Variants in DOCK7 observed in about 807,000 individuals in gnomAD.
DOCK7 encodes the protein dedicator of cytokinesis protein 7.
In DOCK7, 138 loss-of-function variants were observed where a neutral mutation model predicts 271.0. The ratio of observed to expected loss-of-function variants is 0.51; its 90% CI spans 0.44 to 0.59. The LOEUF is 0.59. Among genes scored for constraint, DOCK7 ranks in the 20% least tolerant of loss-of-function variants. The pLI is 0.00. For synonymous variants in DOCK7, 823 were observed against 876.1 expected, an observed-to-expected ratio of 0.94 and a Z score of 1.07; for missense variants, 2,066 against 2,592.4, an observed-to-expected ratio of 0.80 and a Z score of 4.41.
chr1:62,647,139 G>C (rs1387689541), intron 7 of DOCK7, among the ~76,000 whole-genome samples: 35 of 152,060 alleles, frequency 2.3e-4, no homozygotes, highest in Admixed American at 2.3e-3. Flanking sequence ...TTTTTCTTAA[G>C]TCAGAACAAA....
At chr1:62,683,614 G>T (rs1017448703) in intron 1 of DOCK7, among the ~76,000 whole-genome samples, 6 of 152,212 alleles carry the variant, frequency 3.9e-5, no homozygotes, top group African/African-American at 1.4e-4. Context: ...AACTACCACA[G>T]AAAATATTCT....
In DOCK7 at chr1:62,574,977, C is replaced by T. The variant is rs2366492; in HGVS notation, c.2112+2285G>A. Among the ~76,000 whole-genome samples, 151 of 152,206 alleles carry T rather than the reference C, an allele frequency of 9.9e-4. 5 individuals are homozygous for T. The East Asian group carries it at 0.025, about 26-fold the overall frequency. On this transcript the variant is annotated intron_variant, in intron 18 of 49. Coordinates refer to ENST00000635253, the MANE Select transcript of DOCK7 (RefSeq NM_001367561.1). Reference sequence around the variant, plus strand: ...AACTGCTGACCTCAGGTGATCTGCCCACCTCGGCCTCCCAAAGTGCTGGGA... The same window carrying T: ...AACTGCTGACCTCAGGTGATCTGCCTACCTCGGCCTCCCAAAGTGCTGGGA...
chr1:62,487,659 G>A (rs373834171), intron 42 of DOCK7: 2 of 403,116 alleles, frequency 5.0e-6, no homozygotes, highest in South Asian at 4.0e-5. Context: ...AAGAGAGCCA[G>A]CAGCTTGTTC....
In DOCK7 at chr1:62,606,846, C is replaced by T. The variant is rs1396618704; in HGVS notation, c.1682+11860G>A. ...ATTCATCCCAAGTCTCTTTCCAGTT[C>T]CCCTTCTTACATTGCCTATTTGCCA... On this transcript the variant is annotated intron_variant, in intron 14 of 49. Transcript: ENST00000635253. Among the ~76,000 whole-genome samples, 3 of 152,090 alleles carry T rather than the reference C, an allele frequency of 2.0e-5. No homozygotes were observed. The East Asian group carries it at 5.8e-4, about 29-fold the overall frequency.
At chr1:62,457,843 A>T (rs747712945) in intron 48 of DOCK7, 138 bp from the exon 49 acceptor site, 5 of 717,026 alleles carry the variant, frequency 7.0e-6, no homozygotes, top group African/African-American at 5.3e-5. Context: ...GGGCCTAATC[A>T]CACACACATA....
chr1:62,617,737 T>A (rs937636706), intron 14 of DOCK7, among the ~76,000 whole-genome samples: 7 of 152,170 alleles, frequency 4.6e-5, no homozygotes, highest in South Asian at 2.1e-4. Context: ...TTCTTTTTTT[T>A]AATGTAGCAA....
chr1:62,587,875 G>A (rs1165168378), intron 14 of DOCK7, among the ~76,000 whole-genome samples: 2 of 152,086 alleles, frequency 1.3e-5, no homozygotes, highest in Non-Finnish European at 2.9e-5. Flanking sequence ...AATAATGATG[G>A]CTGGGCTTGA....
rs765109810 is a variant in DOCK7 at position 62,613,439 on chromosome 1, C to T, written c.1682+5267G>A. ...GTGGGAGGTAGGGAGGCGCGGGGAA[C>T]GACAGAGTTTGTTATTTAAAGGTGA... On this transcript the variant is annotated intron_variant, in intron 14 of 49. Coordinates refer to ENST00000635253, the MANE Select transcript of DOCK7 (RefSeq NM_001367561.1). 5.3e-5 allele frequency among the ~76,000 whole-genome samples: 8 copies of T among 151,978 alleles called. No individual in the cohort carries two copies. In the East Asian group the frequency reaches 7.7e-4, roughly 15 times the overall value.
chr1:62,570,575 CA>C (rs1646738164), intron 18 of DOCK7, among the ~76,000 whole-genome samples: 1 of 151,902 alleles, frequency 6.6e-6, no homozygotes, highest in South Asian at 2.1e-4. Flanking sequence ...CACATGGAAC[CA>C]AAAAAAGGCC....
intron 1 of DOCK7, among the ~76,000 whole-genome samples, chr1:62,684,926 A>T (rs535689349): frequency 1.3e-5 from 2 of 152,358 alleles, no homozygotes; most frequent in Non-Finnish European, 2.9e-5. Flanking sequence ...CAGAAACAAG[A>T]TCATTATAAT....
intron 12 of DOCK7, 35 bp downstream of exon 12, chr1:62,625,224 C>T (rs768136217): frequency 2.5e-6 from 4 of 1,605,440 alleles, no homozygotes; most frequent in Non-Finnish European, 3.4e-6. Context: ...TATGCACAAA[C>T]ATCTCCCCAA....
At chr1:62,633,281 A>C (rs1654851573) in intron 10 of DOCK7, among the ~76,000 whole-genome samples, 1 of 152,226 alleles carries the variant, frequency 6.6e-6, no homozygotes, top group Admixed American at 6.5e-5. Flanking sequence ...CATATGAAAC[A>C]TATGACACAG....
intron 29 of DOCK7, chr1:62,530,844 A>G: frequency 6.5e-6 from 1 of 152,750 alleles, no homozygotes; most frequent in East Asian, 1.9e-4. Flanking sequence ...GCCACAAAAC[A>G]TGCTGTGCCC....
chr1:62,655,185 T>TA (rs1657852707), intron 2 of DOCK7, among the ~76,000 whole-genome samples: 1 of 152,178 alleles, frequency 6.6e-6, no homozygotes, highest in Admixed American at 6.5e-5. Context: ...TTTAACCAGA[T>TA]ACTTTTTAAT....
intron 14 of DOCK7, among the ~76,000 whole-genome samples, chr1:62,587,299 T>TAAAAAAAAAAAAAAAAAAAAAAA: frequency 6.0e-4 from 25 of 41,804 alleles, no homozygotes; most frequent in Non-Finnish European, 8.6e-4. Context: ...ACCAAATAGC[T>TAAAAAAAAAAAAAAAAAAAAAAA]AAAAAAAAAA....
Position 62,564,213 on chromosome 1 carries a change from G to A in DOCK7, c.2113-2510C>T, listed in dbSNP as rs184243851. The stretch of plus-strand genomic sequence containing the variant: ...ACCTGAACTCAGCTCTGGACCAAGC[G>A]GACCTAATAGACATCTACGGAACTC... On this transcript the variant is annotated intron_variant, in intron 18 of 49. Coordinates refer to ENST00000635253, the MANE Select transcript of DOCK7 (RefSeq NM_001367561.1). Among the ~76,000 whole-genome samples, 228 of 152,110 alleles carry A rather than the reference G, an allele frequency of 1.5e-3. 1 individual carries two copies. Among genetic ancestry groups the A allele is most frequent in the Admixed American group, 5.3e-3 (81 of 15,274 alleles).
intron 7 of DOCK7, among the ~76,000 whole-genome samples, chr1:62,640,358 T>C (rs1358560016): frequency 2.0e-5 from 3 of 152,106 alleles, no homozygotes; most frequent in East Asian, 1.9e-4. Flanking sequence ...CCGTCTCTAC[T>C]AAAAATACAA....
chr1:62,636,647 A>G, intron 7 of DOCK7, 44 bp from the exon 8 acceptor site: 1 of 1,464,456 alleles, frequency 6.8e-7, no homozygotes, highest in East Asian at 2.3e-5. Flanking sequence ...ATAAACATGA[A>G]ATACACAGTT....
intron 2 of DOCK7, among the ~76,000 whole-genome samples, chr1:62,654,896 T>A (rs1289617080): frequency 1.3e-5 from 2 of 152,036 alleles, no homozygotes; most frequent in Non-Finnish European, 2.9e-5. Flanking sequence ...TGATCACAAG[T>A]CAAGGAATGC....
Sources: allele counts gnomAD v4.1 joint callset (sites outside exome capture counted in the v4.1 genomes callset), GRCh38; gene constraint gnomAD v4.1.1; transcripts MANE v1.5; gene names NCBI Gene and HGNC (gene_info 2026-07-23, HGNC 2026-07-21).